The following SGCD variants were observed in gnomAD, a reference collection of about 807,000 sequenced individuals.
SGCD encodes sarcoglycan delta.
SGCD carries 18 observed loss-of-function variants against 36.6 expected under a neutral mutation model. The ratio of observed to expected loss-of-function variants is 0.49; its 90% CI spans 0.34 to 0.73. The LOEUF (loss-of-function observed/expected upper bound fraction) is 0.73, where lower values mean the gene tolerates loss of function less well. Ranked by LOEUF, SGCD falls within the 30% of genes least tolerant of loss-of-function variation. The pLI, the probability that SGCD is intolerant of heterozygous loss-of-function variation, is 0.01. For missense variants in SGCD, 387 were observed against 346.7 expected, an observed-to-expected ratio of 1.12 and a Z score of -0.92; for synonymous variants, 133 against 130.6, an observed-to-expected ratio of 1.02 and a Z score of -0.12.
intron 3 of SGCD, among the ~76,000 whole-genome samples, chr5:156,496,531 T>C (rs1462227580): frequency 6.6e-6 from 1 of 152,140 alleles, no homozygotes; most frequent in Non-Finnish European, 1.5e-5. Flanking sequence ...ACTTTTCATC[T>C]GTAAGTCAAA....
At chr5:156,336,468 G>T (rs558556193) in intron 2 of SGCD, among the ~76,000 whole-genome samples, 3 of 152,024 alleles carry the variant, frequency 2.0e-5, no homozygotes, top group Admixed American at 2.0e-4. Flanking sequence ...CAACCTCCTC[G>T]CTATTTGTCT....
rs115390243 is a variant in SGCD at position 155,922,345 on chromosome 5, C to T, written c.-282+51921C>T. Reference sequence around the variant, plus strand: ...TGTCCCACAGGTGGACAGTGAACAACGTGGCAGGGATGTGCCTGAACCCCC... The same window carrying T: ...TGTCCCACAGGTGGACAGTGAACAATGTGGCAGGGATGTGCCTGAACCCCC... On this transcript the variant is annotated intron_variant, in intron 1 of 9. Transcript: ENST00000517913. 2.0e-3 allele frequency among the ~76,000 whole-genome samples: 310 copies of T among 152,184 alleles called. 1 individual carries two copies. Among genetic ancestry groups the T allele is most frequent in the African/African-American group, 7.1e-3 (296 of 41,514 alleles).
At chr5:156,608,350 G>A (rs192698629) in intron 6 of SGCD, among the ~76,000 whole-genome samples, 11 of 152,256 alleles carry the variant, frequency 7.2e-5, no homozygotes, top group Admixed American at 1.3e-4. Flanking sequence ...GTAGTTGAGC[G>A]GTTTTGAGTG....
chr5:155,811,532 G>T, the SGCD span, among the ~76,000 whole-genome samples: 70 of 152,244 alleles, frequency 4.6e-4, no homozygotes, highest in African/African-American at 1.6e-3. Flanking sequence ...TCATTAAGCT[G>T]GGGACAAGCA....
intron 3 of SGCD, among the ~76,000 whole-genome samples, chr5:156,374,571 T>C (rs1325212709): frequency 1.3e-5 from 2 of 151,390 alleles, no homozygotes; most frequent in Non-Finnish European, 2.9e-5. Context: ...TGATTTTTGC[T>C]AAAAAACAAA....
chr5:156,095,890 G>A (rs1258048752), intron 1 of SGCD, among the ~76,000 whole-genome samples: 1 of 152,156 alleles, frequency 6.6e-6, no homozygotes, highest in Non-Finnish European at 1.5e-5. Context: ...GATGTCACAA[G>A]CAGCTAATTC....
chr5:156,202,577 C>T (rs1311676580), intron 3 of SGCD, among the ~76,000 whole-genome samples: 2 of 152,056 alleles, frequency 1.3e-5, no homozygotes, highest in Non-Finnish European at 2.9e-5. Context: ...AAAGTCTCTT[C>T]TAAAGCATTT....
intron 6 of SGCD, among the ~76,000 whole-genome samples, chr5:156,612,855 A>G (rs765093111): frequency 1.3e-5 from 2 of 152,166 alleles, no homozygotes; most frequent in Non-Finnish European, 2.9e-5. Context: ...GGAGAGTCCT[A>G]CTTTGGGGCA....
intron 3 of SGCD, among the ~76,000 whole-genome samples, chr5:156,447,833 C>T (rs888948883): frequency 1.1e-4 from 16 of 152,248 alleles, no homozygotes; most frequent in African/African-American, 3.9e-4. Flanking sequence ...CAATCATTAC[C>T]TGTTACTGAG....
At chr5:156,396,998 A>G (rs1048026264) in intron 3 of SGCD, among the ~76,000 whole-genome samples, 8 of 152,220 alleles carry the variant, frequency 5.3e-5, no homozygotes, top group Non-Finnish European at 8.8e-5. Context: ...AAAGGGCTTT[A>G]CAGATATTTT....
intron 1 of SGCD, among the ~76,000 whole-genome samples, chr5:156,028,019 C>T (rs1290746289): frequency 6.6e-6 from 1 of 152,154 alleles, no homozygotes; most frequent in East Asian, 1.9e-4. Context: ...AATCCCATTC[C>T]TAAAGGTCCC....
chr5:155,820,237 T>A, the SGCD span, among the ~76,000 whole-genome samples: 7 of 152,232 alleles, frequency 4.6e-5, no homozygotes, highest in Non-Finnish European at 1.0e-4. Flanking sequence ...ATAGTTTTCC[T>A]ATAGAATCCC....
intron 4 of SGCD, among the ~76,000 whole-genome samples, chr5:156,569,199 T>C (rs2113280951): frequency 6.6e-6 from 1 of 152,300 alleles, no homozygotes; most frequent in Admixed American, 6.5e-5. Context: ...GTACCCACCA[T>C]GTACGAGACA....
chr5:156,133,467 A>G (rs1340650578), intron 3 of SGCD, among the ~76,000 whole-genome samples: 1 of 152,054 alleles, frequency 6.6e-6, no homozygotes, highest in African/African-American at 2.4e-5. Context: ...TTCTCATTTT[A>G]TGGATGAGGA....
rs147943847 is a variant in SGCD, at chr5:155,905,266, T to C, written c.-282+34842T>C. On this transcript the variant is annotated intron_variant, in intron 1 of 9. Coordinates refer to the SGCD transcript ENST00000517913. ...CACTGAATGGATTAAAGAAAGCTGA[T>C]GCAAAAGTCATGATAGGGAGAGAGC... Among the ~76,000 whole-genome samples, 32 of 152,302 alleles carry C rather than the reference T, an allele frequency of 2.1e-4. No individual in the cohort carries two copies. The East Asian group carries it at 4.4e-3, about 21-fold the overall frequency.
At chr5:155,938,937 A>T (rs1757269987) in intron 1 of SGCD, among the ~76,000 whole-genome samples, 1 of 152,218 alleles carries the variant, frequency 6.6e-6, no homozygotes, top group Admixed American at 6.5e-5. Flanking sequence ...TTCCTTTATC[A>T]TCCTTGTCAT....
At chr5:156,148,715 A>G (rs1380987737) in intron 3 of SGCD, among the ~76,000 whole-genome samples, 1 of 152,154 alleles carries the variant, frequency 6.6e-6, no homozygotes, top group East Asian at 1.9e-4. Context: ...CACTAGACCA[A>G]CTCAAAATTA....
chr5:156,388,911 T>G (rs1028954437), intron 3 of SGCD, among the ~76,000 whole-genome samples: 1 of 152,206 alleles, frequency 6.6e-6, no homozygotes, highest in African/African-American at 2.4e-5. Flanking sequence ...AAAATCAAGG[T>G]TATTTGTACA....
At chr5:156,508,754 C>A in intron 4 of SGCD, 52 bp downstream of exon 4, 1 of 1,074,656 alleles carries the variant, frequency 9.3e-7, no homozygotes, top group East Asian at 2.4e-5. Flanking sequence ...GAATCTAAAT[C>A]TGGAGGAATT....
Sources: gnomAD v4.1 joint callset for allele counts (sites outside exome capture counted in the v4.1 genomes callset) on GRCh38, gnomAD v4.1.1 for gene constraint, MANE v1.5 for transcripts, NCBI Gene and HGNC (gene_info 2026-07-23, HGNC 2026-07-21) for gene names.